PBRM1: variants seen among roughly 807,000 people sequenced by gnomAD.
The protein encoded by PBRM1 is protein polybromo-1.
PBRM1 carries 27 observed loss-of-function variants against 194.5 expected under a neutral mutation model. That is an observed-to-expected ratio of 0.14 (90% CI 0.10 to 0.19). PBRM1 has a LOEUF of 0.19. PBRM1 is among the 10% of genes least tolerant of loss of function. The pLI is 1.00. For missense variants in PBRM1, 1,466 were observed against 2,077.2 expected (o/e 0.71, Z 5.72); for synonymous variants, 655 against 693.2 (o/e 0.94, Z 0.87).
rs566624261 is a variant in PBRM1 at position 52,571,216 on chromosome 3, G to A, written c.3691+5325C>T. 1.3e-4 allele frequency among the ~76,000 whole-genome samples: 20 copies of A among 151,372 alleles called. No homozygotes were observed. The South Asian group carries it at 1.5e-3, about 11-fold the overall frequency. On this transcript the variant is annotated intron_variant, in intron 22 of 29. Coordinates refer to ENST00000296302, the Ensembl canonical transcript of PBRM1. The stretch of plus-strand genomic sequence containing the variant: ...CACACGCCTGTGGTCCCAGCTGCTC[G>A]GGAGGCTGAGGCAGGAGAATCGCTT...
At chr3:52,567,333 T>C (rs545250370) in intron 22 of PBRM1, among the ~76,000 whole-genome samples, 4 of 152,082 alleles carry the variant, frequency 2.6e-5, no homozygotes, top group Non-Finnish European at 5.9e-5. Context: ...TTAAGACATA[T>C]CAATTTGCAC....
chr3:52,593,616 C>G (rs932269879), intron 17 of PBRM1, among the ~76,000 whole-genome samples: 1 of 152,166 alleles, frequency 6.6e-6, no homozygotes, highest in Admixed American at 6.5e-5. Context: ...CCCAGAGATT[C>G]TGGTATGTTG....
chr3:52,553,871 A>G (rs1439477016), intron 27 of PBRM1, among the ~76,000 whole-genome samples: 2 of 152,096 alleles, frequency 1.3e-5, no homozygotes, highest in African/African-American at 4.8e-5. Flanking sequence ...CATATTGGCC[A>G]GGCTGGTCTC....
intron 13 of PBRM1, among the ~76,000 whole-genome samples, chr3:52,619,711 C>T (rs1050736298): frequency 1.3e-5 from 2 of 152,122 alleles, no homozygotes; most frequent in Admixed American, 1.3e-4. Context: ...CATGAAGAAG[C>T]CAAAGGCCAG....
At chr3:52,605,603 CTTTTTTT>C (rs752235047) in intron 16 of PBRM1, among the ~76,000 whole-genome samples, 5 of 135,024 alleles carry the variant, frequency 3.7e-5, no homozygotes, top group Non-Finnish European at 8.1e-5. Flanking sequence ...CGGAAAGTCT[CTTTTTTT>C]TTTTTTTTTG....
At chr3:52,550,545 T>C (rs2080694175) in exon 29 of PBRM1, 1 of 1,558,038 alleles carries the variant, frequency 6.4e-7, no homozygotes, top group East Asian at 2.3e-5. Flanking sequence ...CAAACATGGG[T>C]GTTGTTGGCT....
chr3:52,684,387 CAA>C (rs1209438314), upstream of PBRM1, among the ~76,000 whole-genome samples: 2 of 149,854 alleles, frequency 1.3e-5, no homozygotes, highest in Non-Finnish European at 2.9e-5. Flanking sequence ...TTACTATAGA[CAA>C]ACAGTGTATT....
chr3:52,549,308 C>A (rs2080269536), intron 29 of PBRM1, among the ~76,000 whole-genome samples: 1 of 152,010 alleles, frequency 6.6e-6, no homozygotes, highest in African/African-American at 2.4e-5. Flanking sequence ...GCGTGAGCCA[C>A]CGCTCCTGGC....
chr3:52,589,213 G>A (rs141067977), exon 18 of PBRM1: 169 of 1,576,320 alleles, frequency 1.1e-4, no homozygotes, highest in Non-Finnish European at 1.4e-4. Flanking sequence ...ATGTAAGCCT[G>A]AGAGGCCTGC....
Position 52,609,943 on chromosome 3 carries a change from C to T in PBRM1, c.1937G>A (p.Gly646Asp), listed in dbSNP as rs1188313069. 2 of 1,501,628 alleles carry T rather than the reference C, an allele frequency of 1.3e-6. No homozygotes were observed. The highest frequency in any genetic ancestry group is 1.8e-6 in the Non-Finnish European group (2 of 1,121,204). The allele number at this position is 1,501,628 out of a possible 1,614,324, so 93.0% of individuals were successfully genotyped here. A position where few individuals can be genotyped will look rare whatever the true frequency, so the allele number is the denominator to read the frequency against. ...GTATTTTGATTTTTTAGGAGAAATG[C>T]CACTCTTCCTACCTAAAGAGAGATA... Residue 646 changes from glycine (G) to aspartate (D), a missense_variant, in exon 16 of 30, where the codon GGC becomes GAC. Gly to Asp is a moderately conservative substitution (Grantham distance 94). This residue lies in a region of PBRM1 where 687 missense variants were observed against 946.2 expected (regional missense o/e 0.73). Transcript: ENST00000296302. This position sits in a 1 kb window ranked among gnomAD's most constrained non-coding sequence, Gnocchi z 4.1.
chr3:52,622,419 C>CT (rs1302631186), intron 13 of PBRM1, among the ~76,000 whole-genome samples: 1 of 152,124 alleles, frequency 6.6e-6, no homozygotes, highest in Non-Finnish European at 1.5e-5. Flanking sequence ...AGTAAGTACG[C>CT]TACAATTTTA....
At chr3:52,621,543 C>G (rs1318508888) in intron 13 of PBRM1, among the ~76,000 whole-genome samples, 1 of 152,176 alleles carries the variant, frequency 6.6e-6, no homozygotes, top group Non-Finnish European at 1.5e-5. Flanking sequence ...TCCTTCAAAC[C>G]ATTAACTGTG....
intron 3 of PBRM1, among the ~76,000 whole-genome samples, chr3:52,664,703 C>T (rs997382822): frequency 6.6e-6 from 1 of 150,766 alleles, no homozygotes; most frequent in African/African-American, 2.4e-5. Flanking sequence ...CACTGCACTC[C>T]AGCCTGGGCA....
At chr3:52,584,303 A>C (rs12487445) in intron 20 of PBRM1, among the ~76,000 whole-genome samples, 51,363 of 151,866 alleles carry the variant, frequency 0.34, 9,686 homozygotes, top group Admixed American at 0.46. Context: ...TGTATTCAAC[A>C]CTTTCACTTT....
chr3:52,578,162 A>G (rs34115864), intron 21 of PBRM1, among the ~76,000 whole-genome samples: 51,346 of 151,926 alleles, frequency 0.34, 9,672 homozygotes, highest in Admixed American at 0.46. Context: ...AGTGAGGCCT[A>G]TATAAACCAT....
intron 15 of PBRM1, among the ~76,000 whole-genome samples, chr3:52,612,125 T>C (rs2094650877): frequency 6.6e-6 from 1 of 151,428 alleles, no homozygotes. Flanking sequence ...CCGGGCGTGG[T>C]GGTGCACACC....
At position 52,640,986 on chromosome 3, in the gene PBRM1, A is replaced by G. The variant is rs182632644; in HGVS notation, c.1087+968T>C. 8.4e-3 allele frequency among the ~76,000 whole-genome samples: 1,274 copies of G among 152,242 alleles called. 8 individuals are homozygous for G. Among genetic ancestry groups the G allele is most frequent in the Non-Finnish European group, 0.014 (973 of 68,032 alleles). On this transcript the variant is annotated intron_variant, in intron 10 of 29. Transcript: ENST00000296302. ...AAAAAACAATGCTAACAAGAAGATA[A>G]TATTTTTTCAATTTCTGATAAGACC...
chr3:52,560,740 C>T (rs1215516288), intron 25 of PBRM1: 1 of 152,158 alleles, frequency 6.6e-6, no homozygotes, highest in African/African-American at 2.4e-5. Context: ...AAACATCTTG[C>T]AGGATTAGGA....
At chr3:52,637,210 C>T (rs971444871) in intron 10 of PBRM1, among the ~76,000 whole-genome samples, 2 of 152,178 alleles carry the variant, frequency 1.3e-5, no homozygotes, top group Non-Finnish European at 2.9e-5. Flanking sequence ...AATCCTTATA[C>T]ATCTTTTCTG....
Sources: allele counts gnomAD v4.1 joint callset (sites outside exome capture counted in the v4.1 genomes callset), GRCh38; gene constraint gnomAD v4.1.1; regional missense constraint gnomAD v4.1.1; non-coding constraint Gnocchi (gnomAD v3.1); transcripts MANE v1.5; gene names NCBI Gene and HGNC (gene_info 2026-07-23, HGNC 2026-07-21).